SPATA45: variants seen among roughly 807,000 people sequenced by gnomAD.
SPATA45 encodes spermatogenesis-associated protein 45.
A neutral mutation model predicts 7.0 loss-of-function variants in SPATA45; 5 were observed. The ratio of observed to expected loss-of-function variants is 0.71; its 90% CI spans 0.37 to 1.50. SPATA45 has a LOEUF of 1.50. Among genes scored for constraint, SPATA45 ranks in the 40% most tolerant of loss-of-function variants. The pLI is 0.03. For missense variants in SPATA45, 111 were observed against 114.9 expected, an observed-to-expected ratio of 0.97 and a Z score of 0.16; for synonymous variants, 40 against 38.7, an observed-to-expected ratio of 1.03 and a Z score of -0.13.
At chr1:212,830,758 G>A (rs559076867) in intron 2 of SPATA45, among the ~76,000 whole-genome samples, 15 of 150,270 alleles carry the variant, frequency 1.0e-4, no homozygotes, top group South Asian at 2.1e-4. Context: ...TGAGGTGGGC[G>A]GATCACGAGG....
chr1:212,840,888 G>C (rs1663669504), intron 1 of SPATA45, among the ~76,000 whole-genome samples: 3 of 152,184 alleles, frequency 2.0e-5, no homozygotes, highest in Admixed American at 2.0e-4. Flanking sequence ...AAAGTGCTGG[G>C]ATTACAGGAC....
At chr1:212,832,102 T>G (rs1663500655) in intron 2 of SPATA45, among the ~76,000 whole-genome samples, 1 of 127,862 alleles carries the variant, frequency 7.8e-6, no homozygotes, top group Non-Finnish European at 1.6e-5. Context: ...CACTGCAACC[T>G]CCTCCTCCCG....
chr1:212,835,975 TA>T lies in SPATA45; in HGVS notation c.174del (p.Phe58LeufsTer21). 5 of 1,610,806 alleles carry T rather than the reference TA, an allele frequency of 3.1e-6. No individual in the cohort carries two copies. Among genetic ancestry groups the T allele is most frequent in the Non-Finnish European group, 4.2e-6 (5 of 1,177,374 alleles). On this transcript the variant is annotated frameshift_variant, in exon 2 of 3. Transcript: ENST00000332912. LOFTEE classifies it high-confidence loss of function. ...ACAGGCTCTTTGGTTGTGGTATCAG[TA>T]AAGGACTGATAGGCATCCGGGAAGT... ...KRHFPDAYQSFTDTTTKEPVP... is the reference protein window; with the variant it reads ...KRHFPDAYQSXTDTTTKEPVP...
At chr1:212,844,714 A>G (rs1571994356) in intron 1 of SPATA45, among the ~76,000 whole-genome samples, 1 of 151,780 alleles carries the variant, frequency 6.6e-6, no homozygotes, top group Admixed American at 6.6e-5. Flanking sequence ...ATTTATACTG[A>G]CTCTAAATAT....
At chr1:212,843,160 C>T (rs1282696523) in intron 1 of SPATA45, among the ~76,000 whole-genome samples, 1 of 149,476 alleles carries the variant, frequency 6.7e-6, no homozygotes, top group Non-Finnish European at 1.5e-5. Context: ...CGCGGTGGCA[C>T]ATGCCTGTAA....
chr1:212,831,418 A>G (rs762285805), intron 2 of SPATA45, among the ~76,000 whole-genome samples: 2 of 149,978 alleles, frequency 1.3e-5, no homozygotes, highest in Non-Finnish European at 3.0e-5. Flanking sequence ...GGATACAGTG[A>G]GCTATGATCA....
chr1:212,835,372 A>G (rs995855404), intron 2 of SPATA45, among the ~76,000 whole-genome samples: 1 of 151,378 alleles, frequency 6.6e-6, no homozygotes, highest in Admixed American at 6.6e-5. Context: ...AAAAATACAA[A>G]AAAATCAGTC....
chr1:212,843,566 T>C, intron 1 of SPATA45, among the ~76,000 whole-genome samples: 1 of 152,124 alleles, frequency 6.6e-6, no homozygotes. Context: ...CCAGCGAAAA[T>C]AAAAATGCTG....
chr1:212,845,774 G>A (rs1214006270), intron 1 of SPATA45, among the ~76,000 whole-genome samples: 1 of 152,088 alleles, frequency 6.6e-6, no homozygotes, highest in Non-Finnish European at 1.5e-5. Flanking sequence ...CTCTCTCCTA[G>A]CTGTTTCTAA....
chr1:212,839,660 T>A (rs1571992109), intron 1 of SPATA45, among the ~76,000 whole-genome samples: 1 of 149,372 alleles, frequency 6.7e-6, no homozygotes, highest in African/African-American at 2.4e-5. Flanking sequence ...TCCCCTACAG[T>A]GACAAATGAA....
intron 2 of SPATA45, among the ~76,000 whole-genome samples, chr1:212,835,361 T>C (rs1414893154): frequency 6.6e-6 from 1 of 150,574 alleles, no homozygotes; most frequent in African/African-American, 2.4e-5. Flanking sequence ...CGGTCTCTAC[T>C]AAAAATACAA....
intron 1 of SPATA45, among the ~76,000 whole-genome samples, chr1:212,838,817 T>G (rs1212281334): frequency 6.6e-6 from 1 of 151,518 alleles, no homozygotes; most frequent in Non-Finnish European, 1.5e-5. Flanking sequence ...TCTTCCCACC[T>G]CAGCCTCCCA....
chr1:212,830,388 T>G (rs1663461698), intron 2 of SPATA45, 127 bp from the exon 3 acceptor site: 4 of 553,322 alleles, frequency 7.2e-6, no homozygotes, highest in Non-Finnish European at 1.3e-5. Flanking sequence ...AAACACCAAA[T>G]GGGCCGGGTG....
chr1:212,841,766 TGTTA>T (rs1663690328), intron 1 of SPATA45, among the ~76,000 whole-genome samples: 1 of 151,768 alleles, frequency 6.6e-6, no homozygotes, highest in Non-Finnish European at 1.5e-5. Context: ...TATTTTTGTT[TGTTA>T]GTTTTGAAAT....
At chr1:212,846,583 A>G (rs973445648) in intron 1 of SPATA45, among the ~76,000 whole-genome samples, 3 of 152,116 alleles carry the variant, frequency 2.0e-5, no homozygotes, top group East Asian at 1.9e-4. Context: ...GTACTTTGTA[A>G]TATTCTCCCC....
At chr1:212,846,612 C>T (rs1251336802) in intron 1 of SPATA45, among the ~76,000 whole-genome samples, 1 of 152,150 alleles carries the variant, frequency 6.6e-6, no homozygotes, top group African/African-American at 2.4e-5. Context: ...TAAGAAGGTA[C>T]TTTGTAATAT....
chr1:212,834,696 C>T (rs2102508596), intron 2 of SPATA45, among the ~76,000 whole-genome samples: 1 of 151,848 alleles, frequency 6.6e-6, no homozygotes, highest in East Asian at 1.9e-4. Flanking sequence ...GGTGATCCGC[C>T]TGCCTTGGCC....
chr1:212,842,352 T>G (rs544354193), intron 1 of SPATA45, among the ~76,000 whole-genome samples: 1 of 152,110 alleles, frequency 6.6e-6, no homozygotes, highest in Admixed American at 6.5e-5. Flanking sequence ...CACTCCAGCC[T>G]GGGGGACAAG....
chr1:212,835,880 T>A lies in SPATA45; in HGVS notation c.270A>T (p.Pro90=), dbSNP rs1310689989. The change falls in exon 2 of 3, where the codon CCA becomes CCT. Residue 90 remains proline (P), a synonymous_variant. Coordinates refer to ENST00000332912, the MANE Select transcript of SPATA45 (RefSeq NM_001024601.3). ...CCTATGATAACTTCTTACTTTTTGG[T>A]GGAAAGTGCTTTCTCTCCATGTGAG... ...LLAHMERKHF[P]PKNNAIFG The A allele has an allele frequency of 6.3e-7, 1 of 1,576,794 alleles. No individual in the cohort carries two copies. The highest frequency in any genetic ancestry group is 2.2e-5 in the East Asian group (1 of 44,622).
Sources: gnomAD v4.1 joint callset for allele counts (sites outside exome capture counted in the v4.1 genomes callset) on GRCh38, gnomAD v4.1.1 for gene constraint, MANE v1.5 for transcripts, NCBI Gene and HGNC (gene_info 2026-07-23, HGNC 2026-07-21) for gene names.